ORC3: variants seen among roughly 807,000 people sequenced by gnomAD.
ORC3 encodes the protein homolog of latheo, Drosophila.
A neutral mutation model predicts 100.7 loss-of-function variants in ORC3; 78 were observed. That is an observed-to-expected ratio of 0.77 (90% CI 0.65 to 0.94). The LOEUF (loss-of-function observed/expected upper bound fraction) is 0.94, where lower values mean the gene tolerates loss of function less well. Among genes scored for constraint, ORC3 ranks in the 40% least tolerant of loss-of-function variants. ORC3 has a pLI of 0.00. For missense variants in ORC3, 789 were observed against 823.9 expected (o/e 0.96, Z 0.52); for synonymous variants, 295 against 289.3 (o/e 1.02, Z -0.20).
In ORC3 at chr6:87,666,839, T is replaced by C. The variant is rs28381551; in HGVS notation, c.2031-179T>C. Among the ~76,000 whole-genome samples, 789 of 152,318 alleles carry C rather than the reference T, an allele frequency of 5.2e-3. 11 individuals are homozygous for C. The highest frequency in any genetic ancestry group is 0.018 in the African/African-American group (760 of 41,556). On this transcript the variant is annotated intron_variant, in intron 19 of 19. Coordinates refer to ENST00000392844, the MANE Select transcript of ORC3 (RefSeq NM_012381.4). ...TTAGGAAGCATTAAGTACTTTTCCA[T>C]TTATGTTTTATTGATAGTGGATTCT...
intron 9 of ORC3, among the ~76,000 whole-genome samples, chr6:87,618,838 C>G (rs1779343829): frequency 6.6e-6 from 1 of 151,922 alleles, no homozygotes; most frequent in Admixed American, 6.6e-5. Context: ...GACACAGGCT[C>G]TAGCTTGGCA....
At chr6:87,608,079 T>C (rs1778479178) in intron 6 of ORC3, among the ~76,000 whole-genome samples, 1 of 152,214 alleles carries the variant, frequency 6.6e-6, no homozygotes, top group Admixed American at 6.5e-5. Context: ...TGTCCTCTAA[T>C]GACAAAAACA....
At chr6:87,601,743 T>C (rs778193233) in intron 2 of ORC3, 41 bp from the exon 3 acceptor site, 5 of 1,144,852 alleles carry the variant, frequency 4.4e-6, no homozygotes. Context: ...CTTATACTAT[T>C]ATATGAAAAA....
At chr6:87,674,244 G>A in the ORC3 span, among the ~76,000 whole-genome samples, 1 of 145,248 alleles carries the variant, frequency 6.9e-6, no homozygotes, top group Admixed American at 7.2e-5. Flanking sequence ...AGAGATTGCA[G>A]TGAGCCGAGA....
intron 11 of ORC3, among the ~76,000 whole-genome samples, chr6:87,632,754 C>A (rs1225768586): frequency 6.6e-6 from 1 of 152,128 alleles, no homozygotes; most frequent in Non-Finnish European, 1.5e-5. Context: ...ATCCCAGCTA[C>A]TCAGGAGGCT....
At chr6:87,631,883 G>T (rs190366814) in intron 11 of ORC3, among the ~76,000 whole-genome samples, 86 of 152,236 alleles carry the variant, frequency 5.6e-4, no homozygotes, top group Non-Finnish European at 4.0e-4. Flanking sequence ...TTTAAGGCCG[G>T]GTGCAGTATC....
intron 1 of ORC3, among the ~76,000 whole-genome samples, chr6:87,592,483 G>A (rs1004352091): frequency 2.6e-5 from 4 of 152,086 alleles, no homozygotes; most frequent in African/African-American, 9.7e-5. Context: ...TACAAAATTA[G>A]CCTGGCATGT....
At chr6:87,663,565 T>A (rs1209697186) in intron 17 of ORC3, among the ~76,000 whole-genome samples, 1 of 152,238 alleles carries the variant, frequency 6.6e-6, no homozygotes, top group Non-Finnish European at 1.5e-5. Context: ...ACTTTGGGAC[T>A]TCATCTTGGA....
intron 2 of ORC3, among the ~76,000 whole-genome samples, chr6:87,600,229 A>G (rs1396623585): frequency 6.6e-6 from 1 of 152,248 alleles, no homozygotes; most frequent in East Asian, 1.9e-4. Context: ...AGCAGCAGAA[A>G]TTTAACGTGA....
chr6:87,671,861 C>T (rs1770839609), downstream of ORC3, among the ~76,000 whole-genome samples: 1 of 152,134 alleles, frequency 6.6e-6, no homozygotes, highest in African/African-American at 2.4e-5. Flanking sequence ...CTGGAAAAGC[C>T]GTAACTGTTG....
intron 13 of ORC3, among the ~76,000 whole-genome samples, chr6:87,650,474 G>T (rs1050893102): frequency 2.6e-5 from 4 of 151,844 alleles, no homozygotes; most frequent in African/African-American, 9.7e-5. Context: ...TTAATTTATT[G>T]TAGCATCTAG....
intron 11 of ORC3, among the ~76,000 whole-genome samples, chr6:87,632,821 G>C (rs1387250802): frequency 6.6e-6 from 1 of 152,114 alleles, no homozygotes; most frequent in Non-Finnish European, 1.5e-5. Context: ...CAGAGAGTTA[G>C]ACTTCATCTT....
the ORC3 span, among the ~76,000 whole-genome samples, chr6:87,673,995 T>TGTA: frequency 2.0e-5 from 3 of 151,768 alleles, no homozygotes; most frequent in Admixed American, 6.6e-5. Flanking sequence ...ATTGGTGAAA[T>TGTA]GTAATTACCA....
At chr6:87,663,865 A>G (rs1770393254) in intron 17 of ORC3, among the ~76,000 whole-genome samples, 1 of 152,222 alleles carries the variant, frequency 6.6e-6, no homozygotes, top group Non-Finnish European at 1.5e-5. Flanking sequence ...GCCACAATAA[A>G]TACTTAAGAA....
chr6:87,610,260 G>A (rs926889631), intron 7 of ORC3, among the ~76,000 whole-genome samples: 1 of 151,656 alleles, frequency 6.6e-6, no homozygotes, highest in Admixed American at 6.6e-5. Context: ...CCAGGCTGGA[G>A]TGCAGTGGCG....
At chr6:87,640,528 A>AT (rs1768166497) in intron 13 of ORC3, among the ~76,000 whole-genome samples, 1 of 152,248 alleles carries the variant, frequency 6.6e-6, no homozygotes, top group East Asian at 1.9e-4. Flanking sequence ...GAGTAGGTTA[A>AT]TTTTTCACTC....
intron 1 of ORC3, among the ~76,000 whole-genome samples, chr6:87,590,440 C>T (rs924650379): frequency 3.3e-5 from 5 of 152,136 alleles, no homozygotes; most frequent in African/African-American, 9.7e-5. Flanking sequence ...GTCGGATGTC[C>T]TGATGATGTG....
chr6:87,677,310 A>AT, the ORC3 span, among the ~76,000 whole-genome samples: 1 of 152,200 alleles, frequency 6.6e-6, no homozygotes, highest in Non-Finnish European at 1.5e-5. Flanking sequence ...ATTCCTTAAA[A>AT]TAAAAAAGCT....
intron 13 of ORC3, among the ~76,000 whole-genome samples, chr6:87,643,048 AC>A: frequency 6.6e-6 from 1 of 152,356 alleles, no homozygotes; most frequent in Admixed American, 6.5e-5. Context: ...CTGTAGGCTT[AC>A]AGATGATGAA....
Sources: allele counts gnomAD v4.1 joint callset (sites outside exome capture counted in the v4.1 genomes callset), GRCh38; gene constraint gnomAD v4.1.1; transcripts MANE v1.5; gene names NCBI Gene and HGNC (gene_info 2026-07-23, HGNC 2026-07-21).